The following GTF2H1 variants were observed in gnomAD, a reference collection of about 807,000 sequenced individuals.
GTF2H1 encodes the protein BTF2 p62.
A neutral mutation model predicts 71.2 loss-of-function variants in GTF2H1; 16 were observed. That is an observed-to-expected ratio of 0.22 (90% CI 0.15 to 0.34). The LOEUF (loss-of-function observed/expected upper bound fraction) is 0.34, where lower values mean the gene tolerates loss of function less well. Among genes scored for constraint, GTF2H1 ranks in the 10% least tolerant of loss-of-function variants. The pLI is 1.00. For missense variants in GTF2H1, 498 were observed against 648.2 expected (o/e 0.77, Z 2.52); for synonymous variants, 215 against 219.0 (o/e 0.98, Z 0.16).
At position 18,339,764 on chromosome 11, in the gene GTF2H1, T is replaced by C. The variant is rs772378185; in HGVS notation, c.607+107T>C. 2.0e-4 allele frequency: 130 copies of C among 664,154 alleles called. 1 individual carries two copies. Among genetic ancestry groups the C allele is most frequent in the Non-Finnish European group, 9.4e-5 (37 of 392,000 alleles). 41.1% of individuals were successfully genotyped at this position (664,154 alleles called of 1,614,324 possible). A position where few individuals can be genotyped will look rare whatever the true frequency, so the allele number is the denominator to read the frequency against. ...ATTCCTGATCAAGTGCAATAAATTATGTAAAGTACTTTTTACCCAGTGCCT... is the reference window on the plus strand; with the variant it reads ...ATTCCTGATCAAGTGCAATAAATTACGTAAAGTACTTTTTACCCAGTGCCT... On this transcript the variant is annotated intron_variant, in intron 5 of 14. Transcript: ENST00000265963.
intron 2 of GTF2H1, among the ~76,000 whole-genome samples, chr11:18,334,156 G>A (rs1238922410): frequency 6.6e-6 from 1 of 152,160 alleles, no homozygotes; most frequent in Non-Finnish European, 1.5e-5. Flanking sequence ...GAGGTGGGCG[G>A]ATCACAAGGT....
intron 13 of GTF2H1, among the ~76,000 whole-genome samples, chr11:18,360,150 G>A (rs544885066): frequency 6.6e-6 from 1 of 151,076 alleles, no homozygotes; most frequent in East Asian, 2.0e-4. Context: ...TTGAGATGGA[G>A]TCTCACTCTG....
chr11:18,336,170 A>C (rs1029167951), intron 3 of GTF2H1, among the ~76,000 whole-genome samples: 1 of 152,134 alleles, frequency 6.6e-6, no homozygotes, highest in Non-Finnish European at 1.5e-5. Flanking sequence ...TCTGTCGCCT[A>C]GGCTGGAGTG....
chr11:18,335,262 TAA>T (rs929494610), intron 2 of GTF2H1, among the ~76,000 whole-genome samples: 2 of 152,248 alleles, frequency 1.3e-5, no homozygotes, highest in African/African-American at 4.8e-5. Context: ...TTAATGAGGC[TAA>T]GTTTGATAAC....
In GTF2H1 at chr11:18,360,619, T is replaced by C. The variant is rs1413386917; in HGVS notation, c.1472T>C (p.Val491Ala). 1 of 1,494,668 alleles carries C rather than the reference T, an allele frequency of 6.7e-7. No individual in the cohort carries two copies. Among genetic ancestry groups the C allele is most frequent in the Non-Finnish European group, 9.1e-7 (1 of 1,102,686 alleles). The allele number at this position is 1,494,668 out of a possible 1,614,324, so 92.6% of individuals were successfully genotyped here. ...ATTGTTTCTCATCTTTTTTAGGTAG[T>C]GAAAATGAAAAGTAATTTGGAACGA... ...VNTPFLEEKV[V>A]KMKSNLERFQ... Residue 491 changes from valine (V) to alanine (A), a missense_variant, in exon 14 of 15, where the codon GTG becomes GCG. Physicochemically the swap from Val to Ala is moderately conservative, Grantham distance 64 (BLOSUM62 0). Transcript: ENST00000265963.
chr11:18,334,532 C>T (rs1312156257), intron 2 of GTF2H1, among the ~76,000 whole-genome samples: 2 of 152,192 alleles, frequency 1.3e-5, no homozygotes, highest in African/African-American at 4.8e-5. Context: ...GTAATACACA[C>T]GCACATTGTG....
chr11:18,331,464 C>T (rs1353569161), intron 1 of GTF2H1, among the ~76,000 whole-genome samples: 2 of 151,970 alleles, frequency 1.3e-5, no homozygotes, highest in African/African-American at 2.4e-5. Context: ...GTCAAGAGTT[C>T]GAGACCAGCC....
At chr11:18,354,803 CTTTTTG>C (rs1274600478) in intron 11 of GTF2H1, among the ~76,000 whole-genome samples, 12 of 151,424 alleles carry the variant, frequency 7.9e-5, no homozygotes, top group African/African-American at 2.4e-4. Context: ...TTCTTTGTTT[CTTTTTG>C]TTTTTGTTTT....
chr11:18,344,788 C>T (rs1428983727), intron 7 of GTF2H1, among the ~76,000 whole-genome samples: 2 of 152,096 alleles, frequency 1.3e-5, no homozygotes, highest in African/African-American at 2.4e-5. Flanking sequence ...CTCATTCATG[C>T]TTTAGACATA....
Position 18,360,668 on chromosome 11 carries a change from A to G in GTF2H1, c.1521A>G (p.Pro507=), listed in dbSNP as rs1381861762. 1 of 1,575,050 alleles carries G rather than the reference A, an allele frequency of 6.3e-7. No homozygotes were observed. The highest frequency in any genetic ancestry group is 8.6e-7 in the Non-Finnish European group (1 of 1,165,046). ...GATTCCAAGTTACGAAGCTCTGTCC[A>G]TTCCAAGAAAAGATTCGGAGACAGT... ...LERFQVTKLC[P]FQEKIRRQYL... Residue 507 remains proline (P), a synonymous_variant, in exon 14 of 15, where the codon CCA becomes CCG. Coordinates refer to ENST00000265963, the MANE Select transcript of GTF2H1 (RefSeq NM_005316.4).
intron 3 of GTF2H1, 116 bp downstream of exon 3, chr11:18,336,062 T>C: frequency 1.5e-6 from 1 of 674,542 alleles, no homozygotes; most frequent in South Asian, 2.4e-5. Flanking sequence ...TGGTTTTTTG[T>C]TGTTGTCGTT....
chr11:18,341,162 T>C, intron 5 of GTF2H1, 99 bp from the exon 6 acceptor site: 1 of 841,524 alleles, frequency 1.2e-6, no homozygotes, highest in Non-Finnish European at 1.9e-6. Flanking sequence ...GTTGAGAGCT[T>C]TATGGTCTAG....
chr11:18,341,517 TG>T lies in GTF2H1; in HGVS notation c.758-10del. 6.2e-7 allele frequency: 1 copy of T among 1,608,908 alleles called. No homozygotes were observed. Among genetic ancestry groups the T allele is most frequent in the Non-Finnish European group, 8.5e-7 (1 of 1,177,430 alleles). On this transcript the variant is annotated splice_polypyrimidine_tract_variant and intron_variant, in intron 6 of 14. Transcript: ENST00000265963. ...AGACATGCTGAACTTTTTATTTTGT[TG>T]ATTTTCTAGGCCTAAAAACAATGGT...
At chr11:18,345,335 T>TA (rs1307445417) in intron 7 of GTF2H1, among the ~76,000 whole-genome samples, 1 of 152,266 alleles carries the variant, frequency 6.6e-6, no homozygotes, top group East Asian at 1.9e-4. Flanking sequence ...TTTCAAAAAA[T>TA]ATTGTGTTTA....
At chr11:18,342,187 C>T (rs148459435) in intron 7 of GTF2H1, among the ~76,000 whole-genome samples, 3 of 151,710 alleles carry the variant, frequency 2.0e-5, no homozygotes, top group Admixed American at 6.6e-5. Context: ...AACTTGTCTT[C>T]CTCAGTTATT....
intron 5 of GTF2H1, among the ~76,000 whole-genome samples, chr11:18,340,184 G>A (rs1335760475): frequency 6.6e-6 from 1 of 152,082 alleles, no homozygotes; most frequent in Non-Finnish European, 1.5e-5. Flanking sequence ...GCCAGTCCCA[G>A]TGGCTCACGC....
intron 9 of GTF2H1, among the ~76,000 whole-genome samples, chr11:18,349,150 C>T (rs1865370369): frequency 6.6e-6 from 1 of 152,220 alleles, no homozygotes; most frequent in African/African-American, 2.4e-5. Context: ...CCATCTCAGC[C>T]TCCCAAAGTG....
intron 1 of GTF2H1, among the ~76,000 whole-genome samples, chr11:18,326,559 T>C (rs927840355): frequency 1.3e-5 from 2 of 152,054 alleles, no homozygotes; most frequent in Non-Finnish European, 2.9e-5. Context: ...GTTGCTGTAG[T>C]CAGTTCTGTC....
At chr11:18,342,174 C>T (rs895401398) in intron 7 of GTF2H1, among the ~76,000 whole-genome samples, 3 of 151,782 alleles carry the variant, frequency 2.0e-5, no homozygotes, top group African/African-American at 7.3e-5. Flanking sequence ...TCTTCTAGGC[C>T]AGAACTTGTC....
Sources: allele counts gnomAD v4.1 joint callset (sites outside exome capture counted in the v4.1 genomes callset), GRCh38; gene constraint gnomAD v4.1.1; transcripts MANE v1.5; gene names NCBI Gene and HGNC (gene_info 2026-07-23, HGNC 2026-07-21).